The following MAPK10 variants were observed in gnomAD, a reference collection of about 807,000 sequenced individuals.
MAPK10 encodes mitogen-activated protein kinase 10, also known as JNK3 alpha protein kinase.
A neutral mutation model predicts 59.3 loss-of-function variants in MAPK10; 25 were observed. That is an observed-to-expected ratio of 0.42 (90% CI 0.31 to 0.59). MAPK10 has a LOEUF of 0.59. Ranked by LOEUF, MAPK10 falls within the 20% of genes least tolerant of loss-of-function variation. The probability of loss-of-function intolerance (pLI) is 0.15; values close to 1 mark genes in which losing one functional copy is unlikely to be tolerated. For missense variants in MAPK10, 351 were observed against 568.9 expected, an observed-to-expected ratio of 0.62 and a Z score of 3.90; for synonymous variants, 190 against 200.5, an observed-to-expected ratio of 0.95 and a Z score of 0.44.
At chr4:86,511,361 A>G (rs1259929181) in intron 1 of MAPK10, among the ~76,000 whole-genome samples, 1 of 151,952 alleles carries the variant, frequency 6.6e-6, no homozygotes, top group African/African-American at 2.4e-5. Flanking sequence ...GTTCGAGACC[A>G]GCCTGTGCAA....
Position 86,011,807 on chromosome 4 carries a change from T to C in MAPK10, c.*5421A>G, listed in dbSNP as rs1321818790. 6.6e-6 allele frequency: 1 copy of C among 152,206 alleles called. No individual in the cohort carries two copies. The highest frequency in any genetic ancestry group is 1.5e-5 in the Non-Finnish European group (1 of 68,034). 9.4% of individuals were successfully genotyped at this position (152,206 alleles called of 1,614,324 possible). A position where few individuals can be genotyped will look rare whatever the true frequency, so the allele number is the denominator to read the frequency against. On this transcript the variant is annotated 3_prime_UTR_variant, in exon 14 of 14. Coordinates refer to ENST00000641462, the MANE Select transcript of MAPK10 (RefSeq NM_138982.4). Reference sequence around the variant, plus strand: ...TAACTCAAAATAATGTGTATGTTTATCTTCCAGGCTTTCTAATAGTTAATT... The same window carrying C: ...TAACTCAAAATAATGTGTATGTTTACCTTCCAGGCTTTCTAATAGTTAATT...
At chr4:86,345,481 T>TA (rs922243882) in intron 2 of MAPK10, among the ~76,000 whole-genome samples, 2 of 152,184 alleles carry the variant, frequency 1.3e-5, no homozygotes, top group African/African-American at 2.4e-5. Context: ...AGAAATCTTT[T>TA]AAAATTCACC....
chr4:86,145,648 G>C (rs921096974), intron 4 of MAPK10, among the ~76,000 whole-genome samples: 1 of 151,940 alleles, frequency 6.6e-6, no homozygotes, highest in African/African-American at 2.4e-5. Flanking sequence ...ACATCTCTCT[G>C]TCTGTGTGTT....
At chr4:86,458,306 A>C (rs997916452) in intron 1 of MAPK10, among the ~76,000 whole-genome samples, 1 of 151,572 alleles carries the variant, frequency 6.6e-6, no homozygotes, top group Non-Finnish European at 1.5e-5. Flanking sequence ...TCTCAAAAAA[A>C]AAAAAAACTA....
At chr4:86,024,312 G>C (rs1019408911) in intron 13 of MAPK10, 1 of 152,090 alleles carries the variant, frequency 6.6e-6, no homozygotes, top group Admixed American at 6.5e-5. Context: ...AAATAATATT[G>C]AATGTATGTA....
chr4:86,430,816 T>G (rs1579193173), intron 1 of MAPK10, among the ~76,000 whole-genome samples: 1 of 152,002 alleles, frequency 6.6e-6, no homozygotes, highest in Admixed American at 6.6e-5. Flanking sequence ...GCTACAGAGG[T>G]AGATGGGGCG....
intron 1 of MAPK10, among the ~76,000 whole-genome samples, chr4:86,402,969 A>G (rs958784725): frequency 1.3e-5 from 2 of 152,120 alleles, no homozygotes; most frequent in African/African-American, 4.8e-5. Context: ...TTTTGCAATC[A>G]CATTGTCATG....
Position 86,015,958 on chromosome 4 carries a change from T to A in MAPK10, c.*1270A>T, listed in dbSNP as rs1743165051. On this transcript the variant is annotated 3_prime_UTR_variant, in exon 14 of 14. Transcript: ENST00000641462. ...GGGTTTCATTATTATTATTATTATT[T>A]TATTTCAGAAGAGGAAAGTAATATT... 1 of 152,172 alleles carries A rather than the reference T, an allele frequency of 6.6e-6. No homozygotes were observed. Among genetic ancestry groups the A allele is most frequent in the Non-Finnish European group, 1.5e-5 (1 of 68,046 alleles). The allele number at this position is 152,172 out of a possible 1,614,324, so 9.4% of individuals were successfully genotyped here. A position where few individuals can be genotyped will look rare whatever the true frequency, so the allele number is the denominator to read the frequency against.
At chr4:86,042,200 G>C (rs1339418064) in intron 11 of MAPK10, among the ~76,000 whole-genome samples, 2 of 152,186 alleles carry the variant, frequency 1.3e-5, no homozygotes, top group Non-Finnish European at 2.9e-5. Context: ...ATCATCCTCA[G>C]CAAACTAACA....
intron 2 of MAPK10, among the ~76,000 whole-genome samples, chr4:86,201,342 G>T (rs2082575512): frequency 1.3e-5 from 2 of 151,878 alleles, no homozygotes; most frequent in South Asian, 4.1e-4. Flanking sequence ...AGAAAATTCA[G>T]TTGCTTCACA....
chr4:86,570,540 T>A (rs550954102), intron 1 of MAPK10, among the ~76,000 whole-genome samples: 1 of 152,118 alleles, frequency 6.6e-6, no homozygotes, highest in East Asian at 1.9e-4. Context: ...CTACAGAATA[T>A]CCTTGATTTT....
At chr4:86,141,472 C>T (rs534559591) in intron 4 of MAPK10, among the ~76,000 whole-genome samples, 1 of 152,092 alleles carries the variant, frequency 6.6e-6, no homozygotes, top group Non-Finnish European at 1.5e-5. Flanking sequence ...CTCTTTCTAG[C>T]CAGAAGAAGT....
At chr4:86,103,075 CTG>C (rs10681488) in intron 6 of MAPK10, 109 bp downstream of exon 6, 22,739 of 495,672 alleles carry the variant, frequency 0.046, 73 homozygotes, top group South Asian at 0.052. Flanking sequence ...GATTTCAACT[CTG>C]TGTGTGTGTG....
chr4:86,471,266 G>GC (rs1579325677), intron 1 of MAPK10, among the ~76,000 whole-genome samples: 5 of 116,696 alleles, frequency 4.3e-5, no homozygotes, highest in East Asian at 4.7e-4. Flanking sequence ...AAGACTCTGT[G>GC]CCCCCCTGCA....
rs577561101 is a variant in MAPK10, at chr4:86,075,974, C to A, written c.803-8019G>T. ...TTACCTAAGCAAGCCTGGGCAATGG[C>A]GGGCGCCCCTCCCCCAGCCCTCCTG... On this transcript the variant is annotated intron_variant, in intron 9 of 13. Coordinates refer to ENST00000641462, the MANE Select transcript of MAPK10 (RefSeq NM_138982.4). 2.6e-5 allele frequency among the ~76,000 whole-genome samples: 4 copies of A among 151,878 alleles called. No homozygotes were observed. The South Asian group carries it at 8.3e-4, about 31-fold the overall frequency.
intron 3 of MAPK10, among the ~76,000 whole-genome samples, chr4:86,181,265 A>C (rs978290632): frequency 3.3e-5 from 5 of 152,224 alleles, no homozygotes; most frequent in African/African-American, 1.2e-4. Flanking sequence ...CGAGTAGATA[A>C]GGAGCCAAAA....
chr4:86,185,581 C>T (rs1190749803), intron 3 of MAPK10, among the ~76,000 whole-genome samples: 2 of 152,114 alleles, frequency 1.3e-5, no homozygotes, highest in Non-Finnish European at 2.9e-5. Flanking sequence ...AAAGACAATT[C>T]TTTCTAATGT....
At chr4:86,309,537 A>G (rs1461167968) in intron 2 of MAPK10, among the ~76,000 whole-genome samples, 1 of 152,180 alleles carries the variant, frequency 6.6e-6, no homozygotes, top group African/African-American at 2.4e-5. Context: ...AGTAACCAGA[A>G]AATCAACAAC....
intron 2 of MAPK10, among the ~76,000 whole-genome samples, chr4:86,348,635 C>CT (rs1295598912): frequency 1.3e-5 from 2 of 152,072 alleles, no homozygotes; most frequent in Non-Finnish European, 2.9e-5. Flanking sequence ...AACTTTACTA[C>CT]TTTTCAAAAA....
Sources: allele counts gnomAD v4.1 joint callset (sites outside exome capture counted in the v4.1 genomes callset), GRCh38; gene constraint gnomAD v4.1.1; transcripts MANE v1.5; gene names NCBI Gene and HGNC (gene_info 2026-07-23, HGNC 2026-07-21).